Variants in PSMD13 observed in about 807,000 individuals in gnomAD.
The protein encoded by PSMD13 is proteasome 26S subunit, non-ATPase 13, also known as 26S proteasome non-ATPase regulatory subunit 13.
A neutral mutation model predicts 57.4 loss-of-function variants in PSMD13; 8 were observed. That is an observed-to-expected ratio of 0.14 (90% CI 0.08 to 0.25). The LOEUF (loss-of-function observed/expected upper bound fraction) is 0.25, where lower values mean the gene tolerates loss of function less well. Among genes scored for constraint, PSMD13 ranks in the 10% least tolerant of loss-of-function variants. The pLI is 1.00. For synonymous variants in PSMD13, 193 were observed against 168.2 expected, an observed-to-expected ratio of 1.15 and a Z score of -1.14; for missense variants, 400 against 461.5, an observed-to-expected ratio of 0.87 and a Z score of 1.22.
chr11:244,018 C>A lies in PSMD13; in HGVS notation c.175-23C>A, dbSNP rs755239109. 2.5e-6 allele frequency: 4 copies of A among 1,594,608 alleles called. No individual in the cohort carries two copies. The Admixed American group carries it at 5.2e-5, about 21-fold the overall frequency. Reference sequence around the variant, plus strand: ...CAGAATAAAAGACATCCTATAATTTCTCTCCATGTTTTGGTTTCACAGCTT... The same window carrying A: ...CAGAATAAAAGACATCCTATAATTTATCTCCATGTTTTGGTTTCACAGCTT... On this transcript the variant is annotated intron_variant, in intron 2 of 12. Transcript: ENST00000532097.
rs1859771845 is a variant in PSMD13 at position 251,892 on chromosome 11, G to A, written c.991G>A (p.Val331Ile). The change falls in exon 12 of 13, where the codon GTC becomes ATC. Residue 331 changes from valine to isoleucine, a missense_variant. Coordinates refer to ENST00000532097, the MANE Select transcript of PSMD13 (RefSeq NM_002817.4). The surrounding 1 kb of genome is among the most constrained non-coding windows in gnomAD (Gnocchi z 4.6). ...CAGTATAGACGAGGTGGACAAACGA[G>A]TCCACATGACCTGGGTGCAGCCCCG... ...KGSIDEVDKR[V>I]HMTWVQPRVL... is the part of the protein sequence containing the mutation. 19 of 1,614,062 alleles carry A rather than the reference G, an allele frequency of 1.2e-5. No homozygotes were observed. Among genetic ancestry groups the A allele is most frequent in the Non-Finnish European group, 1.5e-5 (18 of 1,180,022 alleles).
intron 7 of PSMD13, chr11:247,836 C>G (rs113389729): frequency 0.024 from 3,735 of 156,994 alleles, 148 homozygotes; most frequent in African/African-American, 0.08. Context: ...CCATCTCATC[C>G]AAACAAAAAA....
chr11:252,606 C>T lies in PSMD13; in HGVS notation c.*6C>T. On this transcript the variant is annotated 3_prime_UTR_variant, in exon 13 of 13. Coordinates refer to ENST00000532097, the MANE Select transcript of PSMD13 (RefSeq NM_002817.4). This position sits in a 1 kb window ranked among gnomAD's most constrained non-coding sequence, Gnocchi z 4.1. ...CCCATGACATCCTCACCTAGGGCCCCCTGGTTCCCCGTCGTGTCTCCTTTG... is the reference window on the plus strand; with the variant it reads ...CCCATGACATCCTCACCTAGGGCCCTCTGGTTCCCCGTCGTGTCTCCTTTG... The T allele has an allele frequency of 6.2e-7, 1 of 1,613,740 alleles. No individual in the cohort carries two copies. The highest frequency in any genetic ancestry group is 8.5e-7 in the Non-Finnish European group (1 of 1,179,680).
chr11:240,100 G>GTTTTTT (rs1564820130), intron 2 of PSMD13, among the ~76,000 whole-genome samples: 15 of 44,474 alleles, frequency 3.4e-4, no homozygotes, highest in East Asian at 3.4e-3. Flanking sequence ...AATGAGACCT[G>GTTTTTT]CTTTTTTTTT....
Position 251,539 on chromosome 11 carries a change from T to G in PSMD13, c.838-7T>G. 1 of 1,607,598 alleles carries G rather than the reference T, an allele frequency of 6.2e-7. No individual in the cohort carries two copies. The highest frequency in any genetic ancestry group is 8.5e-7 in the Non-Finnish European group (1 of 1,175,378). On this transcript the variant is annotated splice_polypyrimidine_tract_variant and splice_region_variant and intron_variant, in intron 10 of 12. Coordinates refer to ENST00000532097, the MANE Select transcript of PSMD13 (RefSeq NM_002817.4). This position sits in a 1 kb window ranked among gnomAD's most constrained non-coding sequence, Gnocchi z 4.6. ...TAGTTTAAAATAGTTAATAAAATTTTTTCCAGATGACTTTCACACGACCTG... is the reference window on the plus strand; with the variant it reads ...TAGTTTAAAATAGTTAATAAAATTTGTTCCAGATGACTTTCACACGACCTG...
At position 252,374 on chromosome 11, in the gene PSMD13, G is replaced by T; in HGVS notation, c.1036-131G>T. On this transcript the variant is annotated intron_variant, in intron 12 of 12. Coordinates refer to ENST00000532097, the MANE Select transcript of PSMD13 (RefSeq NM_002817.4). The surrounding 1 kb of genome is among the most constrained non-coding windows in gnomAD (Gnocchi z 4.1). ...CCCGTCCCACTCCCCCAGCTCAGAGGTCCTTTTTACTAGAGCTGCCCTAGA... is the reference window on the plus strand; with the variant it reads ...CCCGTCCCACTCCCCCAGCTCAGAGTTCCTTTTTACTAGAGCTGCCCTAGA... 1 of 787,172 alleles carries T rather than the reference G, an allele frequency of 1.3e-6. No homozygotes were observed. The allele number at this position is 787,172 out of a possible 1,614,324, so 48.8% of individuals were successfully genotyped here. A position where few individuals can be genotyped will look rare whatever the true frequency, so the allele number is the denominator to read the frequency against.
At chr11:247,550 G>A in intron 7 of PSMD13, 102 bp downstream of exon 7, 1 of 1,341,956 alleles carries the variant, frequency 7.5e-7, no homozygotes, top group African/African-American at 1.5e-5. Flanking sequence ...ACTAAGGTGG[G>A]GCTGGGCACG....
At chr11:247,530 C>A in intron 7 of PSMD13, 82 bp downstream of exon 7, 3 of 1,485,792 alleles carry the variant, frequency 2.0e-6, no homozygotes, top group South Asian at 2.6e-5. Context: ...GGTGACAGTT[C>A]TCAGAAATTA....
At chr11:242,136 T>TTTTC (rs1435851153) in intron 2 of PSMD13, among the ~76,000 whole-genome samples, 3 of 151,264 alleles carry the variant, frequency 2.0e-5, no homozygotes, top group African/African-American at 7.3e-5. Flanking sequence ...GCCCCTTTTT[T>TTTTC]TTTCTTTCTT....
At chr11:247,674 A>G (rs1859680706) in intron 7 of PSMD13, 1 of 374,192 alleles carries the variant, frequency 2.7e-6, no homozygotes, top group African/African-American at 2.1e-5. Flanking sequence ...TCTACTAAAA[A>G]TACAAAAAAC....
chr11:252,239 G>T lies in PSMD13; in HGVS notation c.1036-266G>T. ...TGGTTCTGTGATTTGAGCTCACGTCGCTCTTACATTTGCTGGAAATGCGAT... is the reference window on the plus strand; with the variant it reads ...TGGTTCTGTGATTTGAGCTCACGTCTCTCTTACATTTGCTGGAAATGCGAT... On this transcript the variant is annotated intron_variant, in intron 12 of 12. Coordinates refer to ENST00000532097, the MANE Select transcript of PSMD13 (RefSeq NM_002817.4). The surrounding 1 kb of genome is among the most constrained non-coding windows in gnomAD (Gnocchi z 4.1). 2.0e-6 allele frequency: 1 copy of T among 511,288 alleles called. No individual in the cohort carries two copies. Among genetic ancestry groups the T allele is most frequent in the Non-Finnish European group, 3.5e-6 (1 of 282,908 alleles). The allele number at this position is 511,288 out of a possible 1,614,324, so 31.7% of individuals were successfully genotyped here.
intron 7 of PSMD13, chr11:248,560 A>G (rs575490539): frequency 1.0e-4 from 57 of 566,752 alleles, no homozygotes; most frequent in Non-Finnish European, 1.7e-4. Context: ...TTAGGAAAAA[A>G]TAAATGAATG....
At chr11:243,507 G>T in intron 2 of PSMD13, 1 of 316,890 alleles carries the variant, frequency 3.2e-6, no homozygotes, top group Non-Finnish European at 6.2e-6. Flanking sequence ...TGAATCTCTG[G>T]CTGTAGGATT....
At position 237,086 on chromosome 11, in the gene PSMD13, A is replaced by T; in HGVS notation, c.37A>T (p.Asn13Tyr). Reference protein sequence around the residue: ...DVPGFLQQSQNSGPGQPAVWH... With the variant: ...DVPGFLQQSQYSGPGQPAVWH... ...ACCGGGCTTCCTACAGCAGAGCCAG[A>T]ACTCCGGGCCCGGGCAGCCCGCTGT... The change falls in exon 1 of 13, where the codon AAC becomes TAC. Residue 13 changes from asparagine (N) to tyrosine (Y), a missense_variant. Transcript: ENST00000532097. 1.2e-6 allele frequency: 2 copies of T among 1,613,868 alleles called. No individual in the cohort carries two copies. Among genetic ancestry groups the T allele is most frequent in the Non-Finnish European group, 1.7e-6 (2 of 1,179,842 alleles).
chr11:241,269 G>A (rs550551754), intron 2 of PSMD13, among the ~76,000 whole-genome samples: 2 of 152,078 alleles, frequency 1.3e-5, no homozygotes, highest in Non-Finnish European at 2.9e-5. Context: ...CTCCCAAGTA[G>A]CTGGGATTAC....
At chr11:245,590 G>A (rs1859620858) in intron 6 of PSMD13, among the ~76,000 whole-genome samples, 1 of 152,070 alleles carries the variant, frequency 6.6e-6, no homozygotes, top group Non-Finnish European at 1.5e-5. Flanking sequence ...AGGTATGGAT[G>A]TGGGTGGCAG....
In PSMD13 at chr11:251,145, G is replaced by A. The variant is rs1199200193; in HGVS notation, c.837+280G>A. On this transcript the variant is annotated intron_variant, in intron 10 of 12. Coordinates refer to ENST00000532097, the MANE Select transcript of PSMD13 (RefSeq NM_002817.4). The surrounding 1 kb of genome is among the most constrained non-coding windows in gnomAD (Gnocchi z 4.6). ...AGATGAAGTAGCTGCCCCTCTCCCCGTGATGCAGTTGTTGCCTCATTGCAT... is the reference window on the plus strand; with the variant it reads ...AGATGAAGTAGCTGCCCCTCTCCCCATGATGCAGTTGTTGCCTCATTGCAT... 30 of 479,710 alleles carry A rather than the reference G, an allele frequency of 6.3e-5. No individual in the cohort carries two copies. The highest frequency in any genetic ancestry group is 3.9e-4 in the South Asian group (15 of 38,938). The allele number at this position is 479,710 out of a possible 1,614,324, so 29.7% of individuals were successfully genotyped here.
In PSMD13 at chr11:237,116, C is replaced by T. The variant is rs1181690290; in HGVS notation, c.67C>T (p.His23Tyr). 1.2e-6 allele frequency: 2 copies of T among 1,612,654 alleles called. No individual in the cohort carries two copies. Among genetic ancestry groups the T allele is most frequent in the East Asian group, 2.2e-5 (1 of 44,752 alleles). The change falls in exon 1 of 13, where the codon CAC becomes TAC. Residue 23 changes from histidine (H) to tyrosine (Y), a missense_variant. His to Tyr is a moderately conservative substitution (Grantham distance 83). Coordinates refer to ENST00000532097, the MANE Select transcript of PSMD13 (RefSeq NM_002817.4). The part of the protein sequence containing the change: ...NSGPGQPAVW[H>Y]RLEELYTKKL... Reference sequence around the variant, plus strand: ...CGGGCCCGGGCAGCCCGCTGTGTGGCACCGTCTGGAGGAGCTCTACACGAA... The same window carrying T: ...CGGGCCCGGGCAGCCCGCTGTGTGGTACCGTCTGGAGGAGCTCTACACGAA...
intron 2 of PSMD13, among the ~76,000 whole-genome samples, chr11:240,086 G>C (rs1055554260): frequency 4.0e-5 from 5 of 124,956 alleles, no homozygotes; most frequent in Admixed American, 1.8e-4. Context: ...GTGGGAAAAT[G>C]ATAAATGAGA....
Sources: gnomAD v4.1 joint callset for allele counts (sites outside exome capture counted in the v4.1 genomes callset) on GRCh38, gnomAD v4.1.1 for gene constraint, Gnocchi (gnomAD v3.1) non-coding constraint, MANE v1.5 for transcripts, NCBI Gene and HGNC (gene_info 2026-07-23, HGNC 2026-07-21) for gene names.